The following NXPE2 variants were observed in gnomAD, a reference collection of about 807,000 sequenced individuals.
The protein encoded by NXPE2 is neurexophilin and PC-esterase domain family member 2.
NXPE2 carries 34 observed loss-of-function variants against 34.4 expected under a neutral mutation model. That is an observed-to-expected ratio of 0.99 (90% confidence interval 0.75 to 1.31). The LOEUF (loss-of-function observed/expected upper bound fraction) is 1.31. Among genes scored for constraint, NXPE2 ranks in the 40% most tolerant of loss-of-function variants. The probability of loss-of-function intolerance (pLI) is 0.00; values close to 1 mark genes in which losing one functional copy is unlikely to be tolerated. For missense variants in NXPE2, 649 were observed against 672.5 expected (o/e 0.97, Z 0.39); for synonymous variants, 235 against 231.3 (o/e 1.02, Z -0.15).
At chr11:114,728,966 A>T in the NXPE2 span, among the ~76,000 whole-genome samples, 1 of 151,936 alleles carries the variant, frequency 6.6e-6, no homozygotes, top group Non-Finnish European at 1.5e-5. Flanking sequence ...ATATGTACAG[A>T]TTTGTTACAT....
At chr11:114,677,027 T>C (rs1288066937), upstream of NXPE2, among the ~76,000 whole-genome samples, 2 of 151,996 alleles carry the variant, frequency 1.3e-5, no homozygotes, top group Non-Finnish European at 2.9e-5. Flanking sequence ...CACGGAAAGA[T>C]AACTATTGCA....
the NXPE2 span, among the ~76,000 whole-genome samples, chr11:114,750,856 G>A: frequency 3.8e-3 from 579 of 152,264 alleles, 3 homozygotes; most frequent in South Asian, 0.012. Flanking sequence ...CCCAACTTTC[G>A]GTATGGAAGC....
the NXPE2 span, among the ~76,000 whole-genome samples, chr11:114,806,015 G>GGCA: frequency 1.3e-5 from 2 of 152,170 alleles, no homozygotes; most frequent in African/African-American, 4.8e-5. Flanking sequence ...GGAACGATCA[G>GGCA]GCAGCAGCAT....
the NXPE2 span, among the ~76,000 whole-genome samples, chr11:114,671,863 A>G: frequency 4.3e-4 from 65 of 152,146 alleles, no homozygotes; most frequent in Non-Finnish European, 4.0e-4. Flanking sequence ...CACACACACT[A>G]TATTAGTCTG....
chr11:114,706,388 T>C lies in NXPE2; in HGVS notation c.1145-7T>C. ...GTTAAAATATTTATTGATTTGTCTTTCATCAGCCCTAAAATATTTTGATCA... is the reference window on the plus strand; with the variant it reads ...GTTAAAATATTTATTGATTTGTCTTCCATCAGCCCTAAAATATTTTGATCA... On this transcript the variant is annotated splice_polypyrimidine_tract_variant and splice_region_variant and intron_variant, in intron 5 of 5. Transcript: ENST00000389586. The C allele has an allele frequency of 6.6e-7, 1 of 1,513,378 alleles. No homozygotes were observed. Among genetic ancestry groups the C allele is most frequent in the Admixed American group, 2.3e-5 (1 of 42,934 alleles). 93.7% of individuals were successfully genotyped at this position (1,513,378 alleles called of 1,614,324 possible). A position where few individuals can be genotyped will look rare whatever the true frequency, so the allele number is the denominator to read the frequency against.
At chr11:114,747,007 C>CCCTAT in the NXPE2 span, among the ~76,000 whole-genome samples, 1 of 152,022 alleles carries the variant, frequency 6.6e-6, no homozygotes, top group East Asian at 1.9e-4. Flanking sequence ...AATCCATGTC[C>CCCTAT]CCTATCTCTT....
the NXPE2 span, among the ~76,000 whole-genome samples, chr11:114,636,846 G>C: frequency 6.6e-6 from 1 of 152,044 alleles, no homozygotes; most frequent in Admixed American, 6.6e-5. Flanking sequence ...TATAATTTCT[G>C]TTCTTTTACA....
chr11:114,588,481 G>A, the NXPE2 span, among the ~76,000 whole-genome samples: 1 of 152,132 alleles, frequency 6.6e-6, no homozygotes, highest in African/African-American at 2.4e-5. Flanking sequence ...AAAACAGGCA[G>A]CTCTGCAGGC....
At chr11:114,608,792 G>T in the NXPE2 span, among the ~76,000 whole-genome samples, 1 of 147,194 alleles carries the variant, frequency 6.8e-6, no homozygotes, top group Non-Finnish European at 1.5e-5. Flanking sequence ...GTTACCCTGT[G>T]GAAAATAAGT....
the NXPE2 span, among the ~76,000 whole-genome samples, chr11:114,800,470 TG>T: frequency 6.6e-6 from 1 of 152,246 alleles, no homozygotes; most frequent in Non-Finnish European, 1.5e-5. Context: ...TGATTTTTTT[TG>T]CTTTTCCTGT....
At chr11:114,540,092 A>T in the NXPE2 span, among the ~76,000 whole-genome samples, 1 of 152,222 alleles carries the variant, frequency 6.6e-6, no homozygotes, top group Non-Finnish European at 1.5e-5. Context: ...AATAGCTGGG[A>T]TTACAGACGC....
At chr11:114,467,986 G>A in the NXPE2 span, among the ~76,000 whole-genome samples, 180 of 151,984 alleles carry the variant, frequency 1.2e-3, 1 homozygote, top group Non-Finnish European at 1.9e-3. Context: ...TAAGAAATAA[G>A]TAGAAGAAAT....
the NXPE2 span, among the ~76,000 whole-genome samples, chr11:114,545,619 AC>A: frequency 6.6e-6 from 1 of 152,134 alleles, no homozygotes; most frequent in Non-Finnish European, 1.5e-5. Context: ...CAGTGAAATT[AC>A]TGTGTATGAT....
At chr11:114,721,455 A>G in the NXPE2 span, among the ~76,000 whole-genome samples, 1 of 152,052 alleles carries the variant, frequency 6.6e-6, no homozygotes, top group Non-Finnish European at 1.5e-5. Context: ...TCTTGTCAGG[A>G]CTATGCCCCA....
chr11:114,469,209 T>A, the NXPE2 span, among the ~76,000 whole-genome samples: 1 of 148,210 alleles, frequency 6.7e-6, no homozygotes. Flanking sequence ...CCTCCTGGGT[T>A]CATGTCATTC....
the NXPE2 span, among the ~76,000 whole-genome samples, chr11:114,770,658 T>C: frequency 1.3e-5 from 2 of 152,210 alleles, no homozygotes; most frequent in Non-Finnish European, 2.9e-5. Flanking sequence ...CTTTACCAGA[T>C]CTCTGGCAAA....
chr11:114,638,678 T>C, the NXPE2 span, among the ~76,000 whole-genome samples: 71 of 152,130 alleles, frequency 4.7e-4, no homozygotes, highest in Middle Eastern at 3.2e-3. Flanking sequence ...GTTTTCTTTC[T>C]AACAGACAGG....
the NXPE2 span, among the ~76,000 whole-genome samples, chr11:114,734,507 A>G: frequency 1.3e-5 from 2 of 152,146 alleles, no homozygotes; most frequent in Non-Finnish European, 2.9e-5. Context: ...GCTGTTGGTC[A>G]TGGTTCAGAG....
the NXPE2 span, among the ~76,000 whole-genome samples, chr11:114,553,371 T>A: frequency 6.6e-6 from 1 of 152,118 alleles, no homozygotes; most frequent in Non-Finnish European, 1.5e-5. Context: ...TGTCACAAGA[T>A]CCCAGTCCTG....
Sources: gnomAD v4.1 joint callset for allele counts (sites outside exome capture counted in the v4.1 genomes callset) on GRCh38, gnomAD v4.1.1 for gene constraint, MANE v1.5 for transcripts, NCBI Gene and HGNC (gene_info 2026-07-23, HGNC 2026-07-21) for gene names.